WDPCP: variants seen among roughly 807,000 people sequenced by gnomAD.
The protein encoded by WDPCP is WD repeat-containing and planar cell polarity effector protein fritz homolog.
WDPCP carries 71 observed loss-of-function variants against 93.1 expected under a neutral mutation model. The observed-to-expected ratio is 0.76, with a 90% CI of 0.63 to 0.93. WDPCP has a LOEUF of 0.93. WDPCP is among the 40% of genes least tolerant of loss of function. The probability of loss-of-function intolerance (pLI) is 0.00; values close to 1 mark genes in which losing one functional copy is unlikely to be tolerated. For synonymous variants in WDPCP, 315 were observed against 315.0 expected (o/e 1.00, Z 0.00); for missense variants, 844 against 887.4 (o/e 0.95, Z 0.62).
At chr2:63,209,980 C>A (rs892960326) in intron 14 of WDPCP, among the ~76,000 whole-genome samples, 10 of 151,972 alleles carry the variant, frequency 6.6e-5, no homozygotes, top group African/African-American at 1.9e-4. Flanking sequence ...TGTTAAGATT[C>A]CTTTTCTGGT....
intron 6 of WDPCP, among the ~76,000 whole-genome samples, chr2:63,480,669 A>T (rs1700215121): frequency 6.6e-6 from 1 of 152,170 alleles, no homozygotes; most frequent in African/African-American, 2.4e-5. Flanking sequence ...GTGCTGGGAT[A>T]ATTGGCAAGC....
chr2:63,646,095 C>T (rs1442244177), intron 3 of WDPCP, among the ~76,000 whole-genome samples: 2 of 152,092 alleles, frequency 1.3e-5, no homozygotes, highest in Admixed American at 1.3e-4. Context: ...CCCTTCCTGT[C>T]TTCCCTTTAG....
intron 6 of WDPCP, among the ~76,000 whole-genome samples, chr2:63,451,976 G>A (rs1575445644): frequency 6.6e-6 from 1 of 152,138 alleles, no homozygotes; most frequent in Admixed American, 6.5e-5. Flanking sequence ...CAAACCCACA[G>A]CCAATATCAT....
At chr2:63,605,635 A>C (rs1312092264) in intron 3 of WDPCP, among the ~76,000 whole-genome samples, 1 of 152,162 alleles carries the variant, frequency 6.6e-6, no homozygotes, top group African/African-American at 2.4e-5. Flanking sequence ...GCACATGGAA[A>C]ACACCTGGCA....
At chr2:63,354,065 G>A (rs934647085) in intron 12 of WDPCP, among the ~76,000 whole-genome samples, 2 of 152,072 alleles carry the variant, frequency 1.3e-5, no homozygotes, top group African/African-American at 4.8e-5. Context: ...CAGTGGAACC[G>A]CCCTTGCCAC....
At chr2:63,502,472 C>T (rs563744289) in intron 1 of WDPCP, among the ~76,000 whole-genome samples, 1 of 152,180 alleles carries the variant, frequency 6.6e-6, no homozygotes, top group African/African-American at 2.4e-5. Context: ...ATATCCTCAA[C>T]AGCATGCAGC....
chr2:63,174,134 G>A (rs1673615725), intron 15 of WDPCP, among the ~76,000 whole-genome samples: 2 of 152,064 alleles, frequency 1.3e-5, no homozygotes, highest in African/African-American at 2.4e-5. Flanking sequence ...CCTTGCTTGA[G>A]AGAATCATTA....
At chr2:63,300,766 C>T (rs1206663482) in intron 13 of WDPCP, among the ~76,000 whole-genome samples, 2 of 152,212 alleles carry the variant, frequency 1.3e-5, no homozygotes, top group Non-Finnish European at 2.9e-5. Context: ...ACAGAGGGTT[C>T]CCCCCACCAC....
intron 1 of WDPCP, among the ~76,000 whole-genome samples, chr2:63,503,704 C>T (rs1320464172): frequency 1.3e-5 from 2 of 151,884 alleles, no homozygotes; most frequent in East Asian, 1.9e-4. Flanking sequence ...TTATGCCATA[C>T]TTGAATAAAT....
At chr2:63,840,274 T>G in the WDPCP span, among the ~76,000 whole-genome samples, 1 of 152,242 alleles carries the variant, frequency 6.6e-6, no homozygotes. Context: ...GGGCTGGCCC[T>G]GTAACAGTCC....
intron 2 of WDPCP, among the ~76,000 whole-genome samples, chr2:63,681,998 A>G (rs6546020): frequency 0.57 from 86,151 of 152,174 alleles, 25,049 homozygotes; most frequent in African/African-American, 0.62. Flanking sequence ...GGTGCCCCCA[A>G]TGCAGATACA....
At chr2:63,828,547 T>C (rs1407832271), upstream of WDPCP, among the ~76,000 whole-genome samples, 2 of 152,186 alleles carry the variant, frequency 1.3e-5, no homozygotes, top group African/African-American at 4.8e-5. Context: ...TTTGTTGACT[T>C]AATGAAAAAA....
chr2:63,321,059 G>T (rs1197724889), intron 12 of WDPCP, among the ~76,000 whole-genome samples: 1 of 151,732 alleles, frequency 6.6e-6, no homozygotes, highest in South Asian at 2.1e-4. Context: ...ATTAAAGGAG[G>T]GACATTTCAT....
At chr2:63,792,913 C>G (rs1028660792) in intron 2 of WDPCP, among the ~76,000 whole-genome samples, 43 of 150,722 alleles carry the variant, frequency 2.9e-4, no homozygotes, top group Admixed American at 2.4e-3. Context: ...ATTCAAATAA[C>G]AGTGTAAAAA....
intron 1 of WDPCP, among the ~76,000 whole-genome samples, chr2:63,823,635 A>G (rs1213330317): frequency 6.6e-6 from 1 of 152,172 alleles, no homozygotes; most frequent in African/African-American, 2.4e-5. Flanking sequence ...TCCAGAACCA[A>G]ATGAAATTAA....
chr2:63,138,862 T>C (rs891597487), intron 17 of WDPCP, among the ~76,000 whole-genome samples: 1 of 151,718 alleles, frequency 6.6e-6, no homozygotes, highest in African/African-American at 2.4e-5. Context: ...TTCCCACTCT[T>C]CCCCCCAAGT....
intron 12 of WDPCP, chr2:63,359,765 G>C (rs1690298730): frequency 6.6e-6 from 1 of 152,178 alleles, no homozygotes. Flanking sequence ...CCCCTGAGAA[G>C]TGAATTCCAT....
upstream of WDPCP, chr2:63,589,381 T>C (rs1322200217): frequency 6.4e-7 from 1 of 1,550,574 alleles, no homozygotes; most frequent in Non-Finnish European, 8.7e-7. Context: ...ATAAGGACGA[T>C]AAGGTTTGCG....
Position 63,445,962 on chromosome 2 carries a change from A to C in WDPCP, c.385-6091T>G, listed in dbSNP as rs142484710. Reference sequence around the variant, plus strand: ...TGCTCATACTAATTCCCAATCAGAAAGGTAAAGCAATTAATCAAAGGTCTC... The same window carrying C: ...TGCTCATACTAATTCCCAATCAGAACGGTAAAGCAATTAATCAAAGGTCTC... On this transcript the variant is annotated intron_variant, in intron 6 of 17. Coordinates refer to ENST00000272321, the MANE Select transcript of WDPCP (RefSeq NM_015910.7). Among the ~76,000 whole-genome samples the C allele has an allele frequency of 6.6e-3, 1,012 of 152,306 alleles. 8 individuals are homozygous for C. The highest frequency in any genetic ancestry group is 0.011 in the Non-Finnish European group (765 of 68,008).
Sources: allele counts gnomAD v4.1 joint callset (sites outside exome capture counted in the v4.1 genomes callset), GRCh38; gene constraint gnomAD v4.1.1; transcripts MANE v1.5; gene names NCBI Gene and HGNC (gene_info 2026-07-23, HGNC 2026-07-21).